KDM4D: variants seen among roughly 807,000 people sequenced by gnomAD.
The protein encoded by KDM4D is lysine demethylase 4D, also known as lysine-specific demethylase 4D.
For synonymous variants in KDM4D, 254 were observed against 249.1 expected (o/e 1.02, Z -0.19); for missense variants, 427 against 674.8 (o/e 0.63, Z 4.07).
chr11:94,981,009 A>G (rs1044356856), intron 2 of KDM4D, among the ~76,000 whole-genome samples: 8 of 152,278 alleles, frequency 5.3e-5, no homozygotes, highest in East Asian at 3.9e-4. Context: ...GGGAAAACGT[A>G]TAACTTTCAT....
At chr11:94,995,447 T>G (rs1344691329) in intron 2 of KDM4D, among the ~76,000 whole-genome samples, 1 of 152,188 alleles carries the variant, frequency 6.6e-6, no homozygotes, top group Non-Finnish European at 1.5e-5. Context: ...AAAGAAGATG[T>G]GCTGTTTTGT....
chr11:94,977,624 G>A (rs1370183218), intron 2 of KDM4D, among the ~76,000 whole-genome samples: 8 of 151,986 alleles, frequency 5.3e-5, no homozygotes, highest in East Asian at 1.9e-4. Flanking sequence ...TCTGTACTCC[G>A]TATCTCCCTT....
intron 2 of KDM4D, among the ~76,000 whole-genome samples, chr11:94,989,759 T>C (rs1590967800): frequency 6.8e-6 from 1 of 147,704 alleles, no homozygotes; most frequent in Admixed American, 6.7e-5. Flanking sequence ...TTTCTTTTTT[T>C]TTTTTTTTTT....
chr11:94,993,074 C>A (rs1857948443), intron 2 of KDM4D, among the ~76,000 whole-genome samples: 1 of 152,110 alleles, frequency 6.6e-6, no homozygotes, highest in South Asian at 2.1e-4. Flanking sequence ...GTGAAAGGGA[C>A]TGTTAAACTT....
At chr11:94,982,637 C>G (rs1045320888) in intron 2 of KDM4D, among the ~76,000 whole-genome samples, 1 of 149,426 alleles carries the variant, frequency 6.7e-6, no homozygotes, top group African/African-American at 2.5e-5. Flanking sequence ...GTGGAAAATT[C>G]TAGAATTAAT....
chr11:94,989,044 T>A (rs1263816387), intron 2 of KDM4D, among the ~76,000 whole-genome samples: 1 of 152,180 alleles, frequency 6.6e-6, no homozygotes, highest in Non-Finnish European at 1.5e-5. Flanking sequence ...GTTTTATGCA[T>A]TTAGAAGAGA....
At chr11:94,996,456 T>C (rs75645960) in intron 2 of KDM4D, among the ~76,000 whole-genome samples, 5,141 of 152,316 alleles carry the variant, frequency 0.034, 137 homozygotes, top group Admixed American at 0.096. Flanking sequence ...AATTCAAACA[T>C]AGATTACTTT....
At position 94,998,566 on chromosome 11, in the gene KDM4D, C is replaced by T; in HGVS notation, c.1194C>T (p.His398=). 6.2e-7 allele frequency: 1 copy of T among 1,613,692 alleles called. No homozygotes were observed. The highest frequency in any genetic ancestry group is 8.5e-7 in the Non-Finnish European group (1 of 1,180,036). The change falls in exon 3 of 3, where the codon CAC becomes CAT. Residue 398 remains histidine, a synonymous_variant. Coordinates refer to ENST00000335080, the MANE Select transcript of KDM4D (RefSeq NM_018039.3). The surrounding 1 kb of genome is among the most constrained non-coding windows in gnomAD (Gnocchi z 6.7). ...CTGCCCGCAGTGGGACACGGTGCCACACCCTTGTGTGCTCTTCACTCCCAC... is the reference window on the plus strand; with the variant it reads ...CTGCCCGCAGTGGGACACGGTGCCATACCCTTGTGTGCTCTTCACTCCCAC... The part of the protein sequence containing the change: ...PMAARSGTRC[H]TLVCSSLPRR...
chr11:94,991,253 C>T (rs1303255607), intron 2 of KDM4D, among the ~76,000 whole-genome samples: 1 of 152,130 alleles, frequency 6.6e-6, no homozygotes, highest in Non-Finnish European at 1.5e-5. Flanking sequence ...TTCATGTACC[C>T]TGAGCTTCTA....
intron 2 of KDM4D, among the ~76,000 whole-genome samples, chr11:94,993,466 G>T (rs1555098896): frequency 6.7e-6 from 1 of 149,968 alleles, no homozygotes; most frequent in African/African-American, 2.4e-5. Context: ...CATTTGGCTA[G>T]AACACTGAAG....
chr11:94,999,067 C>G lies in KDM4D; in HGVS notation c.*123C>G, dbSNP rs1292723470. The G allele has an allele frequency of 1.1e-6, 1 of 896,136 alleles. No individual in the cohort carries two copies. The highest frequency in any genetic ancestry group is 1.7e-5 in the African/African-American group (1 of 59,382). The allele number at this position is 896,136 out of a possible 1,614,324, so 55.5% of individuals were successfully genotyped here. On this transcript the variant is annotated 3_prime_UTR_variant, in exon 3 of 3. Coordinates refer to ENST00000335080, the MANE Select transcript of KDM4D (RefSeq NM_018039.3). ...CTCTAGGCATGCATGAAAGAGCCCC[C>G]CTGGTGATGCCCTTGGATGCTGCCA...
At chr11:94,993,342 G>A (rs1857951413) in intron 2 of KDM4D, among the ~76,000 whole-genome samples, 1 of 152,104 alleles carries the variant, frequency 6.6e-6, no homozygotes, top group Non-Finnish European at 1.5e-5. Flanking sequence ...GGGTAAAATG[G>A]AAGAGTATCA....
chr11:94,981,124 C>T (rs1555097506), intron 2 of KDM4D, among the ~76,000 whole-genome samples: 2 of 152,008 alleles, frequency 1.3e-5, no homozygotes, highest in African/African-American at 4.8e-5. Flanking sequence ...TGAATTTTAT[C>T]AAATACTTTC....
At chr11:94,976,314 C>T (rs1857796870) in intron 2 of KDM4D, among the ~76,000 whole-genome samples, 1 of 152,168 alleles carries the variant, frequency 6.6e-6, no homozygotes, top group Non-Finnish European at 1.5e-5. Context: ...AGTCTACATG[C>T]CTCTTTCACC....
chr11:94,995,159 AATACTTTT>A (rs1367512563), intron 2 of KDM4D, among the ~76,000 whole-genome samples: 1 of 152,326 alleles, frequency 6.6e-6, no homozygotes, highest in East Asian at 1.9e-4. Flanking sequence ...TTATGTTCTC[AATACTTTT>A]ATATGGAAGA....
chr11:94,977,411 C>T (rs1171038597), intron 2 of KDM4D, among the ~76,000 whole-genome samples: 5 of 152,138 alleles, frequency 3.3e-5, no homozygotes, highest in Non-Finnish European at 5.9e-5. Flanking sequence ...ATCACTTGCT[C>T]ATGCTTTTCA....
chr11:94,987,799 TA>T (rs1374902220), intron 2 of KDM4D, among the ~76,000 whole-genome samples: 1 of 151,912 alleles, frequency 6.6e-6, no homozygotes, highest in Non-Finnish European at 1.5e-5. Context: ...TTCAGAAATA[TA>T]TGATGAAAGG....
rs79681774 is a variant in KDM4D, at chr11:94,996,964, T to C, written c.-349-60T>C. ...TTATTCTATTCTGGTATTTAATTTC[T>C]GGATGCCTAATATTTTTTCCAAATA... is the stretch of plus-strand genomic sequence containing the variant. On this transcript the variant is annotated intron_variant, in intron 2 of 2. Transcript: ENST00000335080. 3.2e-3 allele frequency: 493 copies of C among 154,406 alleles called. 2 individuals carry two copies. Among genetic ancestry groups the C allele is most frequent in the African/African-American group, 0.011 (441 of 41,668 alleles). The allele number at this position is 154,406 out of a possible 1,614,324, so 9.6% of individuals were successfully genotyped here.
intron 2 of KDM4D, among the ~76,000 whole-genome samples, chr11:94,990,587 C>T (rs1857926469): frequency 6.6e-6 from 1 of 152,140 alleles, no homozygotes; most frequent in South Asian, 2.1e-4. Flanking sequence ...GTGACAGTAA[C>T]AGGATTTTTG....
Sources: allele counts gnomAD v4.1 joint callset (sites outside exome capture counted in the v4.1 genomes callset), GRCh38; gene constraint gnomAD v4.1.1; non-coding constraint Gnocchi (gnomAD v3.1); transcripts MANE v1.5; gene names NCBI Gene and HGNC (gene_info 2026-07-23, HGNC 2026-07-21).